OGFOD3: variants seen among roughly 807,000 people sequenced by gnomAD.
OGFOD3 encodes 2-oxoglutarate and iron dependent oxygenase domain containing 3, also known as 2-oxoglutarate and iron-dependent oxygenase domain-containing protein 3.
Under a neutral mutation model 39.8 loss-of-function variants are expected in OGFOD3, and 35 were observed. The observed-to-expected ratio is 0.88, with a 90% CI of 0.67 to 1.17. The LOEUF is 1.17. Ranked by LOEUF, OGFOD3 falls within the 50% of genes most tolerant of loss-of-function variation. The probability of loss-of-function intolerance (pLI) is 0.00; values close to 1 mark genes in which losing one functional copy is unlikely to be tolerated. For synonymous variants in OGFOD3, 200 were observed against 192.0 expected (o/e 1.04, Z -0.34); for missense variants, 438 against 454.5 (o/e 0.96, Z 0.33).
intron 8 of OGFOD3, chr17:82,393,346 T>C (rs2052622234): frequency 6.6e-6 from 1 of 152,250 alleles, no homozygotes; most frequent in Non-Finnish European, 1.5e-5. Flanking sequence ...TTCCTTCCTT[T>C]CACATTTGCA....
Position 82,391,896 on chromosome 17 carries a change from A to G in OGFOD3, c.*502T>C, listed in dbSNP as rs2052601051. ...CCTGAATCCAGCAGAACTCCCACCCACCCCAAAGGACCCCGTTGCTGCCTC... is the reference window on the plus strand; with the variant it reads ...CCTGAATCCAGCAGAACTCCCACCCGCCCCAAAGGACCCCGTTGCTGCCTC... On this transcript the variant is annotated 3_prime_UTR_variant, in exon 9 of 9. Transcript: ENST00000313056. The surrounding 1 kb of genome is among the most constrained non-coding windows in gnomAD (Gnocchi z 5.1). 6.4e-6 allele frequency: 1 copy of G among 156,404 alleles called. No individual in the cohort carries two copies. Among genetic ancestry groups the G allele is most frequent in the African/African-American group, 2.4e-5 (1 of 41,088 alleles). The allele number at this position is 156,404 out of a possible 1,614,324, so 9.7% of individuals were successfully genotyped here.
At chr17:82,396,740 C>T (rs529611789) in intron 8 of OGFOD3, 1 of 152,342 alleles carries the variant, frequency 6.6e-6, no homozygotes, top group African/African-American at 2.4e-5. Flanking sequence ...TTCATTTTCC[C>T]ACAAAACTGC....
rs760018293 is a variant in OGFOD3, at chr17:82,411,550, G to A, written c.305-20C>T. 3.7e-6 allele frequency: 6 copies of A among 1,610,870 alleles called. No homozygotes were observed. Among genetic ancestry groups the A allele is most frequent in the Non-Finnish European group, 4.2e-6 (5 of 1,177,282 alleles). ...TGCAGCCTGTGAAGGGACAGCCAGG[G>A]TGAGACGCAGTTTCCAAGGCCACCG... On this transcript the variant is annotated intron_variant, in intron 2 of 8. Transcript: ENST00000313056.
rs1567876222 is a variant in OGFOD3 at position 82,415,500 on chromosome 17, C to T, written c.202G>A (p.Asp68Asn). 2.5e-6 allele frequency: 4 copies of T among 1,613,720 alleles called. No homozygotes were observed. Among genetic ancestry groups the T allele is most frequent in the Middle Eastern group, 3.3e-4 (2 of 6,062 alleles). The change falls in exon 2 of 9, where the codon GAC becomes AAC. Residue 68 changes from aspartate to asparagine, a missense_variant. Asp to Asn is a conservative substitution (Grantham distance 23). Transcript: ENST00000313056. This position sits in a 1 kb window ranked among gnomAD's most constrained non-coding sequence, Gnocchi z 5.3. ...CGGGCCAGGACCTCTGCGACCCCGT[C>T]GTCGGCCCCCAAGCTGCTCCAGAGC... ...LLLWSSLGAD[D>N]GVAEVLARRG... is the part of the protein sequence containing the mutation.
Position 82,404,942 on chromosome 17 carries a change from T to C in OGFOD3, c.545+382A>G, listed in dbSNP as rs1261362248. ...TTTTAGTAAAGATGGGGTTTCACCATGTTGGCTAGGCTGGTCTCGAACTCC... is the reference window on the plus strand; with the variant it reads ...TTTTAGTAAAGATGGGGTTTCACCACGTTGGCTAGGCTGGTCTCGAACTCC... On this transcript the variant is annotated intron_variant, in intron 6 of 8. Coordinates refer to ENST00000313056, the MANE Select transcript of OGFOD3 (RefSeq NM_024648.3). This position sits in a 1 kb window ranked among gnomAD's most constrained non-coding sequence, Gnocchi z 4.5. 1.3e-5 allele frequency among the ~76,000 whole-genome samples: 2 copies of C among 152,146 alleles called. No homozygotes were observed. Among genetic ancestry groups the C allele is most frequent in the African/African-American group, 4.8e-5 (2 of 41,428 alleles).
At chr17:82,409,117 A>C (rs2052903210) in intron 4 of OGFOD3, among the ~76,000 whole-genome samples, 1 of 152,162 alleles carries the variant, frequency 6.6e-6, no homozygotes, top group East Asian at 1.9e-4. Flanking sequence ...AACTGGAGCC[A>C]GGCAGGCCGT....
At position 82,404,297 on chromosome 17, in the gene OGFOD3, C is replaced by T. The variant is rs1035349054; in HGVS notation, c.546-207G>A. Among the ~76,000 whole-genome samples, 2 of 152,208 alleles carry T rather than the reference C, an allele frequency of 1.3e-5. No individual in the cohort carries two copies. Among genetic ancestry groups the T allele is most frequent in the South Asian group, 2.1e-4 (1 of 4,834 alleles). On this transcript the variant is annotated intron_variant, in intron 6 of 8. Coordinates refer to ENST00000313056, the MANE Select transcript of OGFOD3 (RefSeq NM_024648.3). This position sits in a 1 kb window ranked among gnomAD's most constrained non-coding sequence, Gnocchi z 4.5. Reference sequence around the variant, plus strand: ...CACGCACAGAGCAGCCAGAGGCAGGCGCAAGACCACAGCAGCAGGACTGGG... The same window carrying T: ...CACGCACAGAGCAGCCAGAGGCAGGTGCAAGACCACAGCAGCAGGACTGGG...
intron 1 of OGFOD3, among the ~76,000 whole-genome samples, chr17:82,416,987 AT>A (rs2053062320): frequency 1.3e-5 from 2 of 152,130 alleles, no homozygotes; most frequent in African/African-American, 4.8e-5. Context: ...AAAAGTCTAT[AT>A]TTCTATATTA....
At chr17:82,410,518 C>T (rs944748580) in intron 3 of OGFOD3, among the ~76,000 whole-genome samples, 4 of 152,134 alleles carry the variant, frequency 2.6e-5, no homozygotes, top group Non-Finnish European at 5.9e-5. Context: ...AGACACTGAG[C>T]GGTCATTGAG....
At chr17:82,414,476 C>T (rs773763910) in intron 2 of OGFOD3, among the ~76,000 whole-genome samples, 3 of 152,172 alleles carry the variant, frequency 2.0e-5, no homozygotes, top group African/African-American at 7.2e-5. Flanking sequence ...TTAATGATAA[C>T]ATGAAAAATT....
intron 8 of OGFOD3, chr17:82,394,499 T>G: frequency 6.2e-7 from 1 of 1,613,690 alleles, no homozygotes; most frequent in Non-Finnish European, 8.5e-7. Context: ...CTCGGTCCAT[T>G]AACTTCTTGG....
rs540915976 is a variant in OGFOD3, at chr17:82,392,007, T to C, written c.*391A>G. 7.7e-5 allele frequency: 15 copies of C among 194,412 alleles called. No individual in the cohort carries two copies. Among genetic ancestry groups the C allele is most frequent in the Admixed American group, 3.4e-4 (6 of 17,706 alleles). The allele number at this position is 194,412 out of a possible 1,614,324, so 12.0% of individuals were successfully genotyped here. A position where few individuals can be genotyped will look rare whatever the true frequency, so the allele number is the denominator to read the frequency against. On this transcript the variant is annotated 3_prime_UTR_variant, in exon 9 of 9. Coordinates refer to ENST00000313056, the MANE Select transcript of OGFOD3 (RefSeq NM_024648.3). This position sits in a 1 kb window ranked among gnomAD's most constrained non-coding sequence, Gnocchi z 4.2. Reference sequence around the variant, plus strand: ...CGAACAGAAGCTGCTGGCCCCACGTTTGTCCCCATTTATGGCTGATGCTTT... The same window carrying C: ...CGAACAGAAGCTGCTGGCCCCACGTCTGTCCCCATTTATGGCTGATGCTTT...
At chr17:82,396,088 G>T (rs1256098796) in intron 8 of OGFOD3, among the ~76,000 whole-genome samples, 1 of 150,258 alleles carries the variant, frequency 6.7e-6, no homozygotes, top group African/African-American at 2.5e-5. Flanking sequence ...GGTAAACACA[G>T]ATACACACAA....
chr17:82,404,435 C>T lies in OGFOD3; in HGVS notation c.546-345G>A, dbSNP rs973399121. 2.0e-5 allele frequency among the ~76,000 whole-genome samples: 3 copies of T among 152,204 alleles called. No homozygotes were observed. The highest frequency in any genetic ancestry group is 1.3e-4 in the Admixed American group (2 of 15,278). ...AGGGCCTGGAGCCCAGCCTCCTATT[C>T]AGCAACGAAGAGGCTGCTGTCCCCC... is the stretch of plus-strand genomic sequence containing the variant. On this transcript the variant is annotated intron_variant, in intron 6 of 8. Coordinates refer to ENST00000313056, the MANE Select transcript of OGFOD3 (RefSeq NM_024648.3). This position sits in a 1 kb window ranked among gnomAD's most constrained non-coding sequence, Gnocchi z 4.5.
At chr17:82,403,727 C>T (rs2052802672) in intron 7 of OGFOD3, among the ~76,000 whole-genome samples, 1 of 152,176 alleles carries the variant, frequency 6.6e-6, no homozygotes, top group Non-Finnish European at 1.5e-5. Context: ...CAGGCCTCAC[C>T]TTGACCACAT....
rs116099593 is a variant in OGFOD3 at position 82,412,810 on chromosome 17, T to C, written c.305-1280A>G. Among the ~76,000 whole-genome samples, 1,003 of 152,268 alleles carry C rather than the reference T, an allele frequency of 6.6e-3. 16 individuals carry two copies. The highest frequency in any genetic ancestry group is 0.013 in the African/African-American group (557 of 41,552). On this transcript the variant is annotated intron_variant, in intron 2 of 8. Transcript: ENST00000313056. ...ACAGCAGCCCACAAGCACCAGGACA[T>C]GGGGCAAACCGGGACTCCACAATAT...
chr17:82,393,536 C>T (rs1254942873), intron 8 of OGFOD3: 2 of 152,248 alleles, frequency 1.3e-5, no homozygotes, highest in East Asian at 1.9e-4. Context: ...GCAAGGCAGC[C>T]GATCTTTCCC....
chr17:82,397,756 C>A (rs2052698479), intron 8 of OGFOD3, among the ~76,000 whole-genome samples: 1 of 152,144 alleles, frequency 6.6e-6, no homozygotes, highest in Non-Finnish European at 1.5e-5. Context: ...ACCGCAGAGC[C>A]ACCCGGTGAG....
chr17:82,403,914 A>G (rs1220731200), intron 7 of OGFOD3, 23 bp downstream of exon 7: 2 of 1,585,952 alleles, frequency 1.3e-6, no homozygotes, highest in African/African-American at 2.7e-5. Context: ...GGGCACGCTC[A>G]CCCTGCCCAC....
Sources: allele counts gnomAD v4.1 joint callset (sites outside exome capture counted in the v4.1 genomes callset), GRCh38; gene constraint gnomAD v4.1.1; non-coding constraint Gnocchi (gnomAD v3.1); transcripts MANE v1.5; gene names NCBI Gene and HGNC (gene_info 2026-07-23, HGNC 2026-07-21).